The following WDFY4 variants were observed in gnomAD, a reference collection of about 807,000 sequenced individuals.
The protein encoded by WDFY4 is WDFY family member 4.
In WDFY4, 169 loss-of-function variants were observed where a neutral mutation model predicts 351.9. That is an observed-to-expected ratio of 0.48 (90% CI 0.42 to 0.55). The LOEUF (loss-of-function observed/expected upper bound fraction) is 0.55, where lower values mean the gene tolerates loss of function less well. Among genes scored for constraint, WDFY4 ranks in the 20% least tolerant of loss-of-function variants. The probability of loss-of-function intolerance (pLI) is 0.00; values close to 1 mark genes in which losing one functional copy is unlikely to be tolerated. For missense variants in WDFY4, 3,803 were observed against 3,935.6 expected (o/e 0.97, Z 0.90); for synonymous variants, 1,622 against 1,574.6 (o/e 1.03, Z -0.71).
At chr10:48,859,062 G>T (rs2620893) in intron 39 of WDFY4, among the ~76,000 whole-genome samples, 1 of 151,832 alleles carries the variant, frequency 6.6e-6, no homozygotes, top group African/African-American at 2.4e-5. Context: ...TCCTGTGACC[G>T]CATTTTTTTT....
rs1842499223 is a variant in WDFY4, at chr10:48,974,897, G to A, written c.8964G>A (p.Leu2988=). 6.4e-7 allele frequency: 1 copy of A among 1,550,574 alleles called. No individual in the cohort carries two copies. The highest frequency in any genetic ancestry group is 1.2e-5 in the South Asian group (1 of 84,004). ...LYGHTQAVTC[L]AASVTFSLLV... is the part of the protein sequence containing the mutation. ...GACACACACAGGCTGTCACGTGCCTGGCAGCGTCAGTCACCTTCAGCCTCC... is the reference window on the plus strand; with the variant it reads ...GACACACACAGGCTGTCACGTGCCTAGCAGCGTCAGTCACCTTCAGCCTCC... Residue 2988 remains leucine, a synonymous_variant, in exon 58 of 62, where the codon CTG becomes CTA. Coordinates refer to ENST00000325239, the MANE Select transcript of WDFY4 (RefSeq NM_001394531.1).
At chr10:48,906,435 G>A (rs990852533) in intron 47 of WDFY4, among the ~76,000 whole-genome samples, 10 of 152,164 alleles carry the variant, frequency 6.6e-5, no homozygotes, top group African/African-American at 2.2e-4. Context: ...CAAAGCCTGC[G>A]TGAATCCTGT....
intron 39 of WDFY4, among the ~76,000 whole-genome samples, chr10:48,850,358 G>A (rs1332135217): frequency 6.6e-6 from 1 of 152,098 alleles, no homozygotes; most frequent in Non-Finnish European, 1.5e-5. Context: ...ATTTATGTCG[G>A]TAGAGATTCA....
intron 60 of WDFY4, among the ~76,000 whole-genome samples, chr10:48,979,487 G>A (rs538217446): frequency 7.9e-5 from 12 of 152,122 alleles, no homozygotes; most frequent in Non-Finnish European, 1.6e-4. Flanking sequence ...GTAAGCTAAC[G>A]GCATTAGCTA....
In WDFY4 at chr10:48,786,884, T is replaced by C. The variant is rs2066421426; in HGVS notation, c.3808+14T>C. 3.2e-6 allele frequency: 5 copies of C among 1,544,290 alleles called. No homozygotes were observed. The South Asian group carries it at 3.6e-5, about 11-fold the overall frequency. ...TGCATGTCCAAGGTATGGAGTGTTT[T>C]GATTTACAATGTTCTTGCTGATATT... On this transcript the variant is annotated intron_variant, in intron 20 of 61. Transcript: ENST00000325239.
rs41311232 is a variant in WDFY4, at chr10:48,684,942, G to A, written c.-77G>A. 1,576 of 152,604 alleles carry A rather than the reference G, an allele frequency of 0.01. 14 individuals are homozygous for A. The highest frequency in any genetic ancestry group is 0.016 in the Non-Finnish European group (1,076 of 68,208). 9.5% of individuals were successfully genotyped at this position (152,604 alleles called of 1,614,324 possible). ...CTTCCCCCGAGCCTGAGGGGCTGCA[G>A]CTGGGGATAGGGGGCCCATGCCTTC... is the stretch of plus-strand genomic sequence containing the variant. On this transcript the variant is annotated 5_prime_UTR_variant, in exon 1 of 62. Transcript: ENST00000325239.
chr10:48,848,710 G>C (rs1433823032), intron 39 of WDFY4, among the ~76,000 whole-genome samples: 1 of 152,172 alleles, frequency 6.6e-6, no homozygotes, highest in African/African-American at 2.4e-5. Context: ...ATTTTGGCGG[G>C]CTGGTGGGGA....
intron 12 of WDFY4, among the ~76,000 whole-genome samples, chr10:48,745,015 GT>G (rs1265256725): frequency 6.6e-6 from 1 of 151,992 alleles, no homozygotes; most frequent in East Asian, 1.9e-4. Context: ...TTCTCCTACT[GT>G]TTTTGGTTAT....
intron 39 of WDFY4, among the ~76,000 whole-genome samples, chr10:48,839,381 T>C (rs573203028): frequency 2.1e-4 from 32 of 152,352 alleles, no homozygotes; most frequent in African/African-American, 6.5e-4. Flanking sequence ...CTTAAAGTTG[T>C]AGTAGATTCA....
intron 39 of WDFY4, among the ~76,000 whole-genome samples, chr10:48,845,735 G>A (rs1444705669): frequency 6.6e-6 from 1 of 152,150 alleles, no homozygotes; most frequent in Non-Finnish European, 1.5e-5. Context: ...TCTAGATGAG[G>A]ATGTGTGCAA....
chr10:48,735,291 A>G (rs996840069), intron 10 of WDFY4, among the ~76,000 whole-genome samples: 1 of 152,214 alleles, frequency 6.6e-6, no homozygotes, highest in African/African-American at 2.4e-5. Context: ...ACAAAAATAT[A>G]TCACCTGTCA....
At chr10:48,847,713 C>CT (rs2068824446) in intron 39 of WDFY4, among the ~76,000 whole-genome samples, 1 of 152,164 alleles carries the variant, frequency 6.6e-6, no homozygotes, top group Non-Finnish European at 1.5e-5. Flanking sequence ...AGATGGCTTC[C>CT]TTGAGAAGGC....
At chr10:48,979,610 GA>G (rs1842726954) in intron 60 of WDFY4, 1 of 151,946 alleles carries the variant, frequency 6.6e-6, no homozygotes, top group South Asian at 2.1e-4. Context: ...TGGATGGATG[GA>G]TGGATGGATG....
At chr10:48,840,476 C>T (rs1007169137) in intron 39 of WDFY4, among the ~76,000 whole-genome samples, 1 of 151,592 alleles carries the variant, frequency 6.6e-6, no homozygotes, top group Non-Finnish European at 1.5e-5. Context: ...CACACACCCC[C>T]ACTCTCTTTC....
chr10:48,692,528 T>C (rs2063222615), intron 1 of WDFY4, among the ~76,000 whole-genome samples: 2 of 152,240 alleles, frequency 1.3e-5, no homozygotes, highest in Non-Finnish European at 2.9e-5. Flanking sequence ...TTTAATTAAA[T>C]GACTGTAGCA....
At chr10:48,913,713 T>G in intron 47 of WDFY4, 1 of 1,612,676 alleles carries the variant, frequency 6.2e-7, no homozygotes, top group East Asian at 2.2e-5. Context: ...GAGCCCTACC[T>G]CGTGGAGCTC....
rs185102732 is a variant in WDFY4, at chr10:48,789,835, C to T, written c.3955-39C>T. ...CTCGTGGACAATGCTTCTTCTTTTG[C>T]AGGACTTTCTTAGGACTAATTGCTG... On this transcript the variant is annotated intron_variant, in intron 21 of 61. Coordinates refer to ENST00000325239, the MANE Select transcript of WDFY4 (RefSeq NM_001394531.1). 7.7e-4 allele frequency: 1,184 copies of T among 1,545,170 alleles called. 6 individuals carry two copies. In the African/African-American group the frequency reaches 0.015, roughly 19 times the overall value.
chr10:48,743,653 T>C, intron 12 of WDFY4, 105 bp downstream of exon 12: 2 of 1,278,260 alleles, frequency 1.6e-6, no homozygotes, highest in Non-Finnish European at 2.1e-6. Flanking sequence ...ACAGAATGGG[T>C]GTGCAGAAAT....
At position 48,699,812 on chromosome 10, in the gene WDFY4, C is replaced by T. The variant is rs117258485; in HGVS notation, c.-17-9904C>T. Among the ~76,000 whole-genome samples, 93 of 152,270 alleles carry T rather than the reference C, an allele frequency of 6.1e-4. No homozygotes were observed. In the East Asian group the frequency reaches 0.013, roughly 21 times the overall value. ...GAGGGTGAGGGGTGATCAGGGCTTG[C>T]AGTAATGCTAGGTAAAATCTAGATG... On this transcript the variant is annotated intron_variant, in intron 1 of 61. Transcript: ENST00000325239.
Sources: gnomAD v4.1 joint callset for allele counts (sites outside exome capture counted in the v4.1 genomes callset) on GRCh38, gnomAD v4.1.1 for gene constraint, MANE v1.5 for transcripts, NCBI Gene and HGNC (gene_info 2026-07-23, HGNC 2026-07-21) for gene names.